LCA5L: variants seen among roughly 807,000 people sequenced by gnomAD.
LCA5L encodes the protein lebercilin LCA5 like.
LCA5L carries 35 observed loss-of-function variants against 45.4 expected under a neutral mutation model. The observed-to-expected ratio is 0.77, with a 90% CI of 0.59 to 1.02. The LOEUF is 1.02. LCA5L is among the 50% of genes least tolerant of loss of function. The probability of loss-of-function intolerance (pLI) is 0.00; values close to 1 mark genes in which losing one functional copy is unlikely to be tolerated. For synonymous variants in LCA5L, 233 were observed against 264.7 expected (o/e 0.88, Z 1.16); for missense variants, 668 against 761.6 (o/e 0.88, Z 1.45).
chr21:39,418,675 T>C (rs899502316), intron 7 of LCA5L, among the ~76,000 whole-genome samples: 3 of 152,040 alleles, frequency 2.0e-5, no homozygotes, highest in South Asian at 4.2e-4. Context: ...AATTTTTGTA[T>C]TTTTAGTAGA....
intron 6 of LCA5L, chr21:39,422,023 A>G (rs2073854390): frequency 6.6e-6 from 1 of 152,266 alleles, no homozygotes; most frequent in South Asian, 2.1e-4. Context: ...AGGCCCAATA[A>G]TATCACTTTG....
In LCA5L at chr21:39,423,303, T is replaced by C; in HGVS notation, c.510A>G (p.Thr170=). 1 of 1,609,632 alleles carries C rather than the reference T, an allele frequency of 6.2e-7. No individual in the cohort carries two copies. The highest frequency in any genetic ancestry group is 8.5e-7 in the Non-Finnish European group (1 of 1,178,952). ...GAAGTTGTTTCAAAAATTGGTTTTC[T>C]GTAAGGATGGCTTCCAATTTATGAT... is the stretch of plus-strand genomic sequence containing the variant. The part of the protein sequence containing the change: ...DMHHKLEAIL[T]ENQFLKQLQL... The change falls in exon 6 of 11, where the codon ACA becomes ACG. Residue 170 remains threonine, a synonymous_variant. Coordinates refer to ENST00000288350, the MANE Select transcript of LCA5L (RefSeq NM_152505.4).
chr21:39,437,450 A>T (rs1013290383), intron 2 of LCA5L, among the ~76,000 whole-genome samples: 1 of 152,198 alleles, frequency 6.6e-6, no homozygotes. Flanking sequence ...ATAGGTTACA[A>T]AATGGCTATA....
chr21:39,420,549 A>G (rs1219863726), intron 7 of LCA5L, among the ~76,000 whole-genome samples, 157 bp downstream of exon 7: 2 of 137,120 alleles, frequency 1.5e-5, no homozygotes, highest in Non-Finnish European at 3.2e-5. Context: ...AAAGATAAAC[A>G]GAACTGTGGA....
chr21:39,436,389 A>G (rs2076289019), intron 2 of LCA5L, among the ~76,000 whole-genome samples: 1 of 152,248 alleles, frequency 6.6e-6, no homozygotes, highest in Non-Finnish European at 1.5e-5. Flanking sequence ...AATGAAAAAA[A>G]TTCAGTAGTA....
rs1330234432 is a variant in LCA5L, at chr21:39,429,214, G to A, written c.-91-3C>T. On this transcript the variant is annotated splice_polypyrimidine_tract_variant and splice_region_variant and intron_variant, in intron 3 of 10. Coordinates refer to ENST00000288350, the MANE Select transcript of LCA5L (RefSeq NM_152505.4). ...TTTTCATTTAATTCTCAATTCTCCT[G>A]TTTTATCAAGAAAGCAAAAGAGAAT... 1 of 152,042 alleles carries A rather than the reference G, an allele frequency of 6.6e-6. No homozygotes were observed. Among genetic ancestry groups the A allele is most frequent in the Admixed American group, 6.6e-5 (1 of 15,262 alleles). 9.4% of individuals were successfully genotyped at this position (152,042 alleles called of 1,614,324 possible).
At chr21:39,429,336 G>C (rs1250231652) in intron 3 of LCA5L, 125 bp from the exon 4 acceptor site, 1 of 152,118 alleles carries the variant, frequency 6.6e-6, no homozygotes. Flanking sequence ...TGCTGCATCT[G>C]CTTAATTCTC....
intron 3 of LCA5L, among the ~76,000 whole-genome samples, chr21:39,434,476 T>C (rs1213416808): frequency 6.6e-6 from 1 of 152,234 alleles, no homozygotes; most frequent in Admixed American, 6.5e-5. Flanking sequence ...AATTTCTGAT[T>C]ATGTGGTGCA....
chr21:39,423,461 G>C lies in LCA5L; in HGVS notation c.352C>G (p.His118Asp). The C allele has an allele frequency of 1.3e-6, 2 of 1,566,782 alleles. No individual in the cohort carries two copies. Among genetic ancestry groups the C allele is most frequent in the Non-Finnish European group, 1.7e-6 (2 of 1,163,528 alleles). ...GQKEISVEKK[H>D]TWNASLFNSQ... ...TTAAAGAGTGATGCATTCCAGGTGT[G>C]CTTTTTTTCAACTGATATTTCCTTC... Residue 118 changes from histidine to aspartate, a missense_variant, in exon 6 of 11, where the codon CAC (histidine) becomes GAC (aspartate). Transcript: ENST00000288350.
At chr21:39,414,677 T>C (rs1403798316) in intron 7 of LCA5L, among the ~76,000 whole-genome samples, 1 of 150,288 alleles carries the variant, frequency 6.7e-6, no homozygotes, top group Non-Finnish European at 1.5e-5. Flanking sequence ...CAAGGCTAGG[T>C]CATAAAAGGC....
intron 10 of LCA5L, chr21:39,407,665 C>G (rs1017927382): frequency 6.6e-6 from 1 of 152,208 alleles, no homozygotes; most frequent in Non-Finnish European, 1.5e-5. Flanking sequence ...GTTCCCACTA[C>G]AGAATATAAG....
chr21:39,423,530 T>C (rs553467804), intron 5 of LCA5L, 40 bp from the exon 6 acceptor site: 5 of 1,493,066 alleles, frequency 3.3e-6, no homozygotes, highest in East Asian at 2.3e-5. Flanking sequence ...TAGTAAAATA[T>C]ACAGATATGC....
Position 39,406,591 on chromosome 21 carries a change from T to G in LCA5L, c.1304A>C (p.His435Pro). Residue 435 changes from histidine (H) to proline (P), a missense_variant, in exon 11 of 11, where the codon CAT becomes CCT. His to Pro is a moderately conservative substitution (Grantham distance 77). Transcript: ENST00000288350. ...KYEDLSGEEK[H>P]LEVQILLENT... ...CTCCAGCAGTATTTGGACTTCCAAATGTTTCTCTTCCCCTGATAAATCTAT... is the reference window on the plus strand; with the variant it reads ...CTCCAGCAGTATTTGGACTTCCAAAGGTTTCTCTTCCCCTGATAAATCTAT... The G allele has an allele frequency of 6.3e-7, 1 of 1,587,350 alleles. No individual in the cohort carries two copies. The highest frequency in any genetic ancestry group is 8.5e-7 in the Non-Finnish European group (1 of 1,170,136).
chr21:39,422,157 C>T (rs567748340), intron 6 of LCA5L: 1 of 152,160 alleles, frequency 6.6e-6, no homozygotes, highest in African/African-American at 2.4e-5. Flanking sequence ...GAGATTAAAA[C>T]GTGGAGGAAA....
chr21:39,422,921 C>A (rs552769824), intron 6 of LCA5L, 55 bp downstream of exon 6: 11 of 1,513,240 alleles, frequency 7.3e-6, no homozygotes, highest in Non-Finnish European at 9.9e-6. Flanking sequence ...TTAATTCACA[C>A]CCTCTCTCTA....
intron 5 of LCA5L, among the ~76,000 whole-genome samples, chr21:39,427,447 G>A (rs1390828597): frequency 1.3e-5 from 2 of 152,114 alleles, no homozygotes; most frequent in Non-Finnish European, 2.9e-5. Context: ...CGGATCACGA[G>A]GTCAGGAGAT....
intron 6 of LCA5L, among the ~76,000 whole-genome samples, chr21:39,421,166 G>A (rs901515678): frequency 4.7e-5 from 7 of 149,962 alleles, no homozygotes; most frequent in Non-Finnish European, 8.9e-5. Context: ...GCAGTGGTGC[G>A]ATCTCGGCTC....
intron 6 of LCA5L, chr21:39,422,459 A>AT (rs1281007593): frequency 1.3e-5 from 2 of 154,746 alleles, no homozygotes; most frequent in Non-Finnish European, 2.9e-5. Context: ...ACCCAGGAAC[A>AT]TTATCTGGGA....
chr21:39,416,856 T>C (rs1351459820), intron 7 of LCA5L, among the ~76,000 whole-genome samples: 2 of 152,220 alleles, frequency 1.3e-5, no homozygotes, highest in Non-Finnish European at 2.9e-5. Context: ...TCACTGGCCA[T>C]ATGCAATGAC....
Sources: gnomAD v4.1 joint callset for allele counts (sites outside exome capture counted in the v4.1 genomes callset) on GRCh38, gnomAD v4.1.1 for gene constraint, MANE v1.5 for transcripts, NCBI Gene and HGNC (gene_info 2026-07-23, HGNC 2026-07-21) for gene names.